The following MED13L variants were observed in gnomAD, a reference collection of about 807,000 sequenced individuals.
MED13L encodes mediator complex subunit 13L.
MED13L carries 7 observed loss-of-function variants against 220.9 expected under a neutral mutation model. The ratio of observed to expected loss-of-function variants is 0.03; its 90% CI spans 0.02 to 0.06. The LOEUF is 0.06. MED13L is among the 10% of genes least tolerant of loss of function. The pLI is 1.00. For missense variants in MED13L, 1,965 were observed against 2,760.5 expected, an observed-to-expected ratio of 0.71 and a Z score of 6.46; for synonymous variants, 1,011 against 1,015.2, an observed-to-expected ratio of 1.00 and a Z score of 0.08.
At chr12:116,226,955 A>G (rs1290208846) in intron 2 of MED13L, among the ~76,000 whole-genome samples, 3 of 150,320 alleles carry the variant, frequency 2.0e-5, no homozygotes, top group African/African-American at 4.9e-5. Context: ...TTCTACCATT[A>G]AGGTTTTTTT....
At chr12:116,124,105 CAG>C (rs1225355895) in intron 2 of MED13L, among the ~76,000 whole-genome samples, 7 of 116,540 alleles carry the variant, frequency 6.0e-5, no homozygotes, top group Non-Finnish European at 1.3e-4. Flanking sequence ...ATAACATCTG[CAG>C]AGAGAGAGAG....
At chr12:116,047,410 T>C (rs1479352071) in intron 4 of MED13L, among the ~76,000 whole-genome samples, 1 of 152,164 alleles carries the variant, frequency 6.6e-6, no homozygotes, top group African/African-American at 2.4e-5. Context: ...GTTGTACAGA[T>C]TTATTGAAGA....
chr12:116,066,164 A>G (rs1593004237), intron 4 of MED13L, among the ~76,000 whole-genome samples: 1 of 152,352 alleles, frequency 6.6e-6, no homozygotes, highest in South Asian at 2.1e-4. Context: ...CTTCTAAATA[A>G]TAAGACTGAG....
At chr12:115,967,090 G>C (rs1300618131) in intron 28 of MED13L, among the ~76,000 whole-genome samples, 3 of 133,782 alleles carry the variant, frequency 2.2e-5, no homozygotes, top group Admixed American at 8.8e-5. Flanking sequence ...AGAATCCCTT[G>C]AACCCAGGAG....
At chr12:116,039,129 A>G (rs1881374550) in intron 4 of MED13L, among the ~76,000 whole-genome samples, 2 of 152,216 alleles carry the variant, frequency 1.3e-5, no homozygotes, top group Admixed American at 1.3e-4. Context: ...CACCGTAATG[A>G]TTCTAGTTAT....
intron 2 of MED13L, among the ~76,000 whole-genome samples, chr12:116,225,435 C>T (rs11612188): frequency 0.24 from 36,222 of 151,968 alleles, 4,445 homozygotes; most frequent in Middle Eastern, 0.32. Context: ...AACCAATAAA[C>T]GGCATGACAA....
At chr12:116,116,511 T>A (rs554498007) in intron 2 of MED13L, among the ~76,000 whole-genome samples, 1 of 152,096 alleles carries the variant, frequency 6.6e-6, no homozygotes, top group Non-Finnish European at 1.5e-5. Context: ...GTACCCTTTG[T>A]AATAAACCAG....
chr12:115,996,765 G>A, intron 15 of MED13L, 84 bp from the exon 16 acceptor site: 1 of 1,266,604 alleles, frequency 7.9e-7, no homozygotes, highest in Non-Finnish European at 1.1e-6. Context: ...CATAAAAACA[G>A]CAACCAAAAT....
intron 14 of MED13L, among the ~76,000 whole-genome samples, chr12:116,002,651 C>T (rs1042479774): frequency 1.2e-4 from 18 of 152,186 alleles, no homozygotes; most frequent in Non-Finnish European, 2.5e-4. Context: ...ACATTTTACA[C>T]AGTCTTATAA....
chr12:116,125,023 TACA>T lies in MED13L; in HGVS notation c.311-13514_311-13512del, dbSNP rs1239729422. On this transcript the variant is annotated intron_variant, in intron 2 of 30. Transcript: ENST00000281928. ...TAAAAAGTCTCTTTTTTAAGCTTTC[TACA>T]ACACTATTGATTTTTACACTAAGAA... Among the ~76,000 whole-genome samples, 4 of 152,366 alleles carry T rather than the reference TACA, an allele frequency of 2.6e-5. No homozygotes were observed. In the East Asian group the frequency reaches 7.7e-4, roughly 29 times the overall value.
intron 4 of MED13L, among the ~76,000 whole-genome samples, chr12:116,058,019 G>A (rs983674039): frequency 6.6e-6 from 1 of 151,982 alleles, no homozygotes; most frequent in African/African-American, 2.4e-5. Context: ...ATTAAATCAC[G>A]AAAAATTCAT....
chr12:116,183,435 A>T (rs981113076), intron 2 of MED13L, among the ~76,000 whole-genome samples: 12 of 152,230 alleles, frequency 7.9e-5, no homozygotes, highest in African/African-American at 4.8e-5. Context: ...ATGAAAGAGT[A>T]TTATAAAACA....
chr12:116,079,305 A>G (rs956161261), intron 4 of MED13L, among the ~76,000 whole-genome samples: 18 of 151,996 alleles, frequency 1.2e-4, no homozygotes, highest in African/African-American at 3.9e-4. Context: ...TGCAGCCTCA[A>G]TCTCCCAGGA....
intron 30 of MED13L, among the ~76,000 whole-genome samples, chr12:115,962,206 C>T (rs1484481783): frequency 6.6e-6 from 1 of 152,086 alleles, no homozygotes; most frequent in African/African-American, 2.4e-5. Context: ...AGTCTCCAAC[C>T]TTTTTTGGCA....
At chr12:116,174,778 C>A (rs1053034142) in intron 2 of MED13L, 1 of 152,178 alleles carries the variant, frequency 6.6e-6, no homozygotes, top group East Asian at 1.9e-4. Flanking sequence ...TGTATGAAAA[C>A]CCAGCCAGGC....
At position 116,018,549 on chromosome 12, in the gene MED13L, C is replaced by A. The variant is rs1229192055; in HGVS notation, c.1009+675G>T. ...ATGATGAGTATCCTTTCCATACTGA[C>A]CACAGTTCTAATTAAAGTGAGGTCA... On this transcript the variant is annotated intron_variant, in intron 7 of 30. Coordinates refer to ENST00000281928, the MANE Select transcript of MED13L (RefSeq NM_015335.5). Among the ~76,000 whole-genome samples the A allele has an allele frequency of 2.6e-5, 4 of 152,018 alleles. No individual in the cohort carries two copies. The South Asian group carries it at 8.3e-4, about 32-fold the overall frequency.
intron 2 of MED13L, among the ~76,000 whole-genome samples, chr12:116,164,601 C>T (rs1409191323): frequency 6.6e-6 from 1 of 152,090 alleles, no homozygotes. Flanking sequence ...TCACAGTTGC[C>T]AAGGAAGAGG....
At chr12:116,179,202 T>C (rs1880305262) in intron 2 of MED13L, among the ~76,000 whole-genome samples, 1 of 125,802 alleles carries the variant, frequency 7.9e-6, no homozygotes, top group African/African-American at 3.1e-5. Flanking sequence ...TTTGACGATT[T>C]ACGTGTGTGT....
intron 1 of MED13L, among the ~76,000 whole-genome samples, chr12:116,262,547 C>T (rs985959599): frequency 5.3e-5 from 8 of 152,164 alleles, no homozygotes; most frequent in East Asian, 1.9e-4. Flanking sequence ...AGAAGATAAA[C>T]GCCTACCTTA....
Sources: gnomAD v4.1 joint callset for allele counts (sites outside exome capture counted in the v4.1 genomes callset) on GRCh38, gnomAD v4.1.1 for gene constraint, MANE v1.5 for transcripts, NCBI Gene and HGNC (gene_info 2026-07-23, HGNC 2026-07-21) for gene names.